The following IDH2 variants were observed in gnomAD, a reference collection of about 807,000 sequenced individuals.
IDH2 encodes the protein isocitrate dehydrogenase (NADP(+)) 2, also known as isocitrate dehydrogenase [NADP], mitochondrial.
In IDH2, 18 loss-of-function variants were observed where a neutral mutation model predicts 50.5. The observed-to-expected ratio is 0.36, with a 90% CI of 0.25 to 0.53. IDH2 has a LOEUF of 0.53. Among genes scored for constraint, IDH2 ranks in the 20% least tolerant of loss-of-function variants. The probability of loss-of-function intolerance (pLI) is 0.92; values close to 1 mark genes in which losing one functional copy is unlikely to be tolerated. For missense variants in IDH2, 518 were observed against 610.7 expected, an observed-to-expected ratio of 0.85 and a Z score of 1.60; for synonymous variants, 280 against 239.8, an observed-to-expected ratio of 1.17 and a Z score of -1.55.
chr15:90,087,834 T>A, intron 5 of IDH2, among the ~76,000 whole-genome samples: 1 of 138,724 alleles, frequency 7.2e-6, no homozygotes, highest in African/African-American at 3.2e-5. Flanking sequence ...GGAAACAACT[T>A]TTTTTTGGAA....
intron 1 of IDH2, among the ~76,000 whole-genome samples, chr15:90,093,783 C>T (rs1392064372): frequency 1.3e-5 from 2 of 152,118 alleles, no homozygotes; most frequent in African/African-American, 4.8e-5. Context: ...CCAGGCCCGG[C>T]TAATTTTTGT....
chr15:90,096,984 A>G (rs1463566323), intron 1 of IDH2, among the ~76,000 whole-genome samples: 2 of 152,236 alleles, frequency 1.3e-5, no homozygotes, highest in African/African-American at 4.8e-5. Context: ...CTGTATATAC[A>G]TCCAAAAATA....
chr15:90,090,688 G>A (rs1309248748), intron 2 of IDH2, 44 bp from the exon 3 acceptor site: 1 of 1,603,390 alleles, frequency 6.2e-7, no homozygotes, highest in African/African-American at 1.3e-5. Flanking sequence ...CAGTGACTCA[G>A]GGACATGACA....
Position 90,102,277 on chromosome 15 carries a change from G to A in IDH2, c.114C>T (p.His38=). Residue 38 remains histidine, a splice_region_variant and synonymous_variant, in exon 1 of 11, where the codon CAC becomes CAT. Coordinates refer to ENST00000330062, the MANE Select transcript of IDH2 (RefSeq NM_002168.4). The stretch of plus-strand genomic sequence containing the variant: ...CTGGACCCTCCGCGCGGCACTCACA[G>A]TGGCGCCGCGGCTGCTCTTGCGAGG... The part of the protein sequence containing the change: ...APTSQEQPRR[H]YADKRIKVAK... 1 of 1,274,900 alleles carries A rather than the reference G, an allele frequency of 7.8e-7. No individual in the cohort carries two copies. 79.0% of individuals were successfully genotyped at this position (1,274,900 alleles called of 1,614,324 possible).
intron 5 of IDH2, among the ~76,000 whole-genome samples, chr15:90,088,023 G>A (rs11073899): frequency 0.18 from 26,662 of 151,974 alleles, 2,411 homozygotes; most frequent in Middle Eastern, 0.22. Context: ...GGGATAAAGA[G>A]GCATTCTCTT....
At chr15:90,089,169 T>C (rs1450948377) in intron 3 of IDH2, among the ~76,000 whole-genome samples, 7 of 151,936 alleles carry the variant, frequency 4.6e-5, no homozygotes, top group Admixed American at 3.3e-4. Context: ...CCGCCTCGGC[T>C]TCCCAAAGTG....
At chr15:90,090,755 G>C in intron 2 of IDH2, 111 bp from the exon 3 acceptor site, 3 of 1,183,520 alleles carry the variant, frequency 2.5e-6, no homozygotes, top group Non-Finnish European at 2.5e-6. Context: ...AGTCAAAACA[G>C]GGATGAGTGA....
Position 90,084,475 on chromosome 15 carries a change from CT to C in IDH2, c.1272-123del. ...GAACAGCCATCTCCTGCCACCCAGACTACAGGCCAGAGGCCAGCTATAGCCC... is the reference window on the plus strand; with the variant it reads ...GAACAGCCATCTCCTGCCACCCAGACACAGGCCAGAGGCCAGCTATAGCCC... On this transcript the variant is annotated intron_variant, in intron 10 of 10. Transcript: ENST00000330062. The surrounding 1 kb of genome is among the most constrained non-coding windows in gnomAD (Gnocchi z 5.0). 1 of 903,202 alleles carries C rather than the reference CT, an allele frequency of 1.1e-6. No individual in the cohort carries two copies. Among genetic ancestry groups the C allele is most frequent in the Non-Finnish European group, 1.8e-6 (1 of 566,484 alleles). 55.9% of individuals were successfully genotyped at this position (903,202 alleles called of 1,614,324 possible).
rs746303510 is a variant in IDH2 at position 90,084,361 on chromosome 15, G to A, written c.1272-8C>T. The stretch of plus-strand genomic sequence containing the variant: ...TGCTCGTTCAGCTTCACACTGCAGA[G>A]AGAGCACCACTCACATCAGGGGTGG... On this transcript the variant is annotated splice_region_variant and splice_polypyrimidine_tract_variant and intron_variant, in intron 10 of 10. Transcript: ENST00000330062. This position sits in a 1 kb window ranked among gnomAD's most constrained non-coding sequence, Gnocchi z 5.0. 6.2e-7 allele frequency: 1 copy of A among 1,612,532 alleles called. No individual in the cohort carries two copies. Among genetic ancestry groups the A allele is most frequent in the African/African-American group, 1.3e-5 (1 of 74,916 alleles).
chr15:90,088,296 C>T (rs949363372), intron 5 of IDH2, 63 bp downstream of exon 5: 9 of 1,595,340 alleles, frequency 5.6e-6, no homozygotes, highest in African/African-American at 1.3e-5. Context: ...AGGAAAGCCA[C>T]GAGACAGAGA....
intron 3 of IDH2, among the ~76,000 whole-genome samples, chr15:90,089,796 C>T (rs1252738665): frequency 1.3e-5 from 2 of 152,216 alleles, no homozygotes; most frequent in African/African-American, 4.8e-5. Flanking sequence ...ATGGAACCCT[C>T]GAGAGCGGCC....
chr15:90,102,387 C>T lies in IDH2; in HGVS notation c.4G>A (p.Ala2Thr), dbSNP rs2151558099. Reference sequence around the variant, plus strand: ...GAGCGCACGACCCGCAGGTAGCCGGCCATCCCAAGCTGGAGAGCGAACGAG... The same window carrying T: ...GAGCGCACGACCCGCAGGTAGCCGGTCATCCCAAGCTGGAGAGCGAACGAG... The part of the protein sequence containing the change: M[A>T]GYLRVVRSLC... Residue 2 changes from alanine to threonine, a missense_variant, in exon 1 of 11, where the codon GCC (alanine) becomes ACC (threonine). Physicochemically the swap from Ala to Thr is moderately conservative, Grantham distance 58. Transcript: ENST00000330062. 1 of 1,353,450 alleles carries T rather than the reference C, an allele frequency of 7.4e-7. No homozygotes were observed. Among genetic ancestry groups the T allele is most frequent in the Non-Finnish European group, 9.6e-7 (1 of 1,041,946 alleles). 83.8% of individuals were successfully genotyped at this position (1,353,450 alleles called of 1,614,324 possible).
At chr15:90,102,152 T>G (rs1255638014) in intron 1 of IDH2, 124 bp downstream of exon 1, 1 of 364,016 alleles carries the variant, frequency 2.7e-6, no homozygotes, top group Non-Finnish European at 4.7e-6. Context: ...CGGCCCTTTG[T>G]GCGCCTGACC....
At chr15:90,095,187 C>G (rs1184881283) in intron 1 of IDH2, among the ~76,000 whole-genome samples, 8 of 152,040 alleles carry the variant, frequency 5.3e-5, no homozygotes, top group African/African-American at 1.7e-4. Flanking sequence ...CAAATGCAGC[C>G]TCTGGAAGAC....
chr15:90,096,785 G>A (rs1056789199), intron 1 of IDH2, among the ~76,000 whole-genome samples: 2 of 151,960 alleles, frequency 1.3e-5, no homozygotes, highest in East Asian at 3.9e-4. Context: ...GTGGTGGCAG[G>A]CGCCTGTAGT....
chr15:90,099,587 T>A (rs917511945), intron 1 of IDH2, among the ~76,000 whole-genome samples: 3 of 152,162 alleles, frequency 2.0e-5, no homozygotes, highest in Non-Finnish European at 4.4e-5. Flanking sequence ...CCTGAGTAGC[T>A]AAGACCACAG....
At chr15:90,095,544 G>C (rs1901161384) in intron 1 of IDH2, among the ~76,000 whole-genome samples, 1 of 151,990 alleles carries the variant, frequency 6.6e-6, no homozygotes, top group African/African-American at 2.4e-5. Flanking sequence ...AGTTCTTCAG[G>C]TTTCAGCCTC....
At chr15:90,087,718 T>C in intron 5 of IDH2, 143 bp from the exon 6 acceptor site, 1 of 835,434 alleles carries the variant, frequency 1.2e-6, no homozygotes, top group Non-Finnish European at 2.0e-6. Context: ...CTCCGTGCAG[T>C]GCACACGATG....
At chr15:90,099,711 G>GC (rs1465290406) in intron 1 of IDH2, among the ~76,000 whole-genome samples, 1 of 152,076 alleles carries the variant, frequency 6.6e-6, no homozygotes, top group Non-Finnish European at 1.5e-5. Context: ...TCCCACCTCA[G>GC]CCCCCCAAAA....
Sources: allele counts gnomAD v4.1 joint callset (sites outside exome capture counted in the v4.1 genomes callset), GRCh38; gene constraint gnomAD v4.1.1; non-coding constraint Gnocchi (gnomAD v3.1); transcripts MANE v1.5; gene names NCBI Gene and HGNC (gene_info 2026-07-23, HGNC 2026-07-21).